Variants in TRHDE observed in about 807,000 individuals in gnomAD.
The protein encoded by TRHDE is thyrotropin-releasing hormone-degrading ectoenzyme.
Under a neutral mutation model 125.7 loss-of-function variants are expected in TRHDE, and 72 were observed. The observed-to-expected ratio is 0.57, with a 90% confidence interval of 0.47 to 0.70. The LOEUF (loss-of-function observed/expected upper bound fraction) is 0.70, where lower values mean the gene tolerates loss of function less well. TRHDE is among the 30% of genes least tolerant of loss of function. The pLI, the probability that TRHDE is intolerant of heterozygous loss-of-function variation, is 0.00. For missense variants in TRHDE, 1,110 were observed against 1,327.1 expected (o/e 0.84, Z 2.54); for synonymous variants, 509 against 509.1 (o/e 1.00, Z 0.00).
chr12:72,603,617 A>T (rs565177702), intron 12 of TRHDE, among the ~76,000 whole-genome samples: 1 of 151,852 alleles, frequency 6.6e-6, no homozygotes, highest in African/African-American at 2.4e-5. Context: ...CCCAGCTACT[A>T]GGGAGGCTGA....
chr12:72,195,942 A>G (rs529139227), intron 2 of TRHDE, among the ~76,000 whole-genome samples: 68 of 152,268 alleles, frequency 4.5e-4, no homozygotes, highest in African/African-American at 1.6e-3. Context: ...TCTTCTGCAT[A>G]TGGCTAGCCA....
At chr12:72,255,077 AGATAAT>A (rs1878776092) in intron 2 of TRHDE, 1 of 152,246 alleles carries the variant, frequency 6.6e-6, no homozygotes, top group Non-Finnish European at 1.5e-5. Context: ...ACAATGCCAA[AGATAAT>A]GATCACTTCT....
At chr12:72,239,598 G>T (rs1174123189) in intron 2 of TRHDE, among the ~76,000 whole-genome samples, 2 of 152,226 alleles carry the variant, frequency 1.3e-5, no homozygotes, top group African/African-American at 4.8e-5. Flanking sequence ...GTGAGAAAGA[G>T]AGAGGAGTCA....
chr12:72,449,013 G>T (rs1875440778), intron 3 of TRHDE, among the ~76,000 whole-genome samples: 1 of 151,960 alleles, frequency 6.6e-6, no homozygotes, highest in African/African-American at 2.4e-5. Context: ...GTAGCAGTCG[G>T]TACTGTGCCA....
chr12:72,640,089 G>A (rs924805739), intron 15 of TRHDE, among the ~76,000 whole-genome samples: 1 of 152,188 alleles, frequency 6.6e-6, no homozygotes, highest in African/African-American at 2.4e-5. Context: ...AATGGTGGAC[G>A]CCCCTCCCCC....
chr12:72,453,209 G>A (rs1027299388), intron 3 of TRHDE, among the ~76,000 whole-genome samples: 1 of 152,198 alleles, frequency 6.6e-6, no homozygotes, highest in Non-Finnish European at 1.5e-5. Context: ...AATCCAGGCT[G>A]AGAAGGTCTC....
intron 2 of TRHDE, among the ~76,000 whole-genome samples, chr12:72,121,928 T>G (rs1468426014): frequency 1.3e-5 from 2 of 152,122 alleles, no homozygotes; most frequent in African/African-American, 2.4e-5. Flanking sequence ...AGCTGGGTTG[T>G]GTAGAGCCAT....
intron 3 of TRHDE, among the ~76,000 whole-genome samples, chr12:72,439,665 A>T (rs915662014): frequency 2.0e-5 from 3 of 151,828 alleles, no homozygotes; most frequent in African/African-American, 4.8e-5. Flanking sequence ...AGGGCTTTCT[A>T]TATATATGAT....
intron 12 of TRHDE, among the ~76,000 whole-genome samples, chr12:72,608,923 G>A (rs1433715782): frequency 6.6e-6 from 1 of 152,142 alleles, no homozygotes; most frequent in Admixed American, 6.6e-5. Context: ...GAACCTGGGG[G>A]GGTTAGAAAA....
intron 12 of TRHDE, among the ~76,000 whole-genome samples, chr12:72,579,117 TG>T (rs1356270491): frequency 6.6e-6 from 1 of 152,010 alleles, no homozygotes; most frequent in African/African-American, 2.4e-5. Context: ...AGGAGTCTTT[TG>T]TTGTGTATGT....
intron 5 of TRHDE, among the ~76,000 whole-genome samples, chr12:72,484,501 A>G (rs551491104): frequency 1.3e-5 from 2 of 152,168 alleles, no homozygotes; most frequent in Non-Finnish European, 2.9e-5. Context: ...CAGATTAGAG[A>G]CTGTTTGTTT....
intron 2 of TRHDE, among the ~76,000 whole-genome samples, chr12:72,148,770 G>A (rs1876286337): frequency 6.6e-6 from 1 of 152,154 alleles, no homozygotes; most frequent in Non-Finnish European, 1.5e-5. Flanking sequence ...ATTCATCCTT[G>A]CAAGTTTTCT....
chr12:72,633,632 T>C (rs1009145510), intron 15 of TRHDE, among the ~76,000 whole-genome samples: 1 of 152,078 alleles, frequency 6.6e-6, no homozygotes, highest in Non-Finnish European at 1.5e-5. Context: ...TTTCCACCCA[T>C]CACTGACTAT....
intron 9 of TRHDE, among the ~76,000 whole-genome samples, chr12:72,565,835 C>A (rs1217028772): frequency 6.6e-6 from 1 of 151,778 alleles, no homozygotes; most frequent in East Asian, 1.9e-4. Context: ...GAGAGGCAGT[C>A]CCAGGAACTG....
At chr12:72,094,567 C>T (rs959908218) in intron 1 of TRHDE, among the ~76,000 whole-genome samples, 1 of 152,216 alleles carries the variant, frequency 6.6e-6, no homozygotes, top group Non-Finnish European at 1.5e-5. Flanking sequence ...CCTGTATAGG[C>T]AGGATTGGTC....
intron 3 of TRHDE, among the ~76,000 whole-genome samples, chr12:72,417,698 T>C (rs185913682): frequency 7.4e-4 from 113 of 152,180 alleles, no homozygotes; most frequent in Admixed American, 2.2e-3. Flanking sequence ...ATAATTCATA[T>C]TGTTACTGAA....
At chr12:72,425,033 C>T (rs2135832208) in intron 3 of TRHDE, among the ~76,000 whole-genome samples, 1 of 152,162 alleles carries the variant, frequency 6.6e-6, no homozygotes, top group East Asian at 1.9e-4. Context: ...AAAAACTTTA[C>T]TCCTATAAGA....
chr12:72,508,762 C>G (rs1184969162), intron 6 of TRHDE, among the ~76,000 whole-genome samples: 2 of 152,008 alleles, frequency 1.3e-5, no homozygotes, highest in Non-Finnish European at 2.9e-5. Context: ...AATTGCAATC[C>G]CCAGTGTTGG....
At chr12:72,606,340 G>A (rs1872442154) in intron 12 of TRHDE, among the ~76,000 whole-genome samples, 1 of 152,134 alleles carries the variant, frequency 6.6e-6, no homozygotes, top group South Asian at 2.1e-4. Flanking sequence ...AATGTGCTGG[G>A]ATCTGTACAT....
Sources: gnomAD v4.1 joint callset for allele counts (sites outside exome capture counted in the v4.1 genomes callset) on GRCh38, gnomAD v4.1.1 for gene constraint, MANE v1.5 for transcripts, NCBI Gene and HGNC (gene_info 2026-07-23, HGNC 2026-07-21) for gene names.